Variants in TRERF1 observed in about 807,000 individuals in gnomAD.
TRERF1 encodes the protein transcriptional-regulating factor 1.
Under a neutral mutation model 122.9 loss-of-function variants are expected in TRERF1, and 27 were observed. The ratio of observed to expected loss-of-function variants is 0.22; its 90% CI spans 0.16 to 0.30. The LOEUF (loss-of-function observed/expected upper bound fraction) is 0.30, where lower values mean the gene tolerates loss of function less well. Ranked by LOEUF, TRERF1 falls within the 10% of genes least tolerant of loss-of-function variation. The pLI, the probability that TRERF1 is intolerant of heterozygous loss-of-function variation, is 1.00. For synonymous variants in TRERF1, 636 were observed against 641.7 expected (o/e 0.99, Z 0.13); for missense variants, 1,248 against 1,560.3 (o/e 0.80, Z 3.37).
At chr6:42,288,953 CTGTGTGTG>C (rs3074800) in intron 4 of TRERF1, among the ~76,000 whole-genome samples, 2,275 of 144,314 alleles carry the variant, frequency 0.016, 22 homozygotes, top group Admixed American at 0.025. Context: ...ATCTTGAACT[CTGTGTGTG>C]TGTGTGTGTG....
intron 4 of TRERF1, among the ~76,000 whole-genome samples, chr6:42,285,278 CTGTT>C (rs1333685577): frequency 6.6e-6 from 1 of 152,022 alleles, no homozygotes; most frequent in Admixed American, 6.6e-5. Context: ...ATTTGGCTCT[CTGTT>C]TGTCTGTTGT....
chr6:42,438,382 G>T (rs1242876464), intron 2 of TRERF1, among the ~76,000 whole-genome samples: 1 of 151,506 alleles, frequency 6.6e-6, no homozygotes, highest in Non-Finnish European at 1.5e-5. Context: ...GGCCAAGGCA[G>T]GTGGACCACC....
rs371939867 is a variant in TRERF1 at position 42,275,341 on chromosome 6, C to T, written c.-258-5493G>A. Among the ~76,000 whole-genome samples, 10 of 152,314 alleles carry T rather than the reference C, an allele frequency of 6.6e-5. No homozygotes were observed. Among genetic ancestry groups the T allele is most frequent in the Non-Finnish European group, 8.8e-5 (6 of 68,024 alleles). On this transcript the variant is annotated intron_variant, in intron 4 of 17. Coordinates refer to ENST00000372922, the Ensembl canonical transcript of TRERF1. This position sits in a 1 kb window ranked among gnomAD's most constrained non-coding sequence, Gnocchi z 4.1. ...CAGAACTGCTACCTTCCCATTTCTT[C>T]GGTCAATTTCTTCCTTAGAGCAGGA...
chr6:42,283,526 A>G (rs1782651594), intron 4 of TRERF1, among the ~76,000 whole-genome samples: 1 of 152,062 alleles, frequency 6.6e-6, no homozygotes, highest in Non-Finnish European at 1.5e-5. Flanking sequence ...TTCATTTTAT[A>G]ACTTTTTATA....
rs1024871933 is a variant in TRERF1 at position 42,232,566 on chromosome 6, T to C, written c.3278+115A>G. 7 of 1,337,244 alleles carry C rather than the reference T, an allele frequency of 5.2e-6. No individual in the cohort carries two copies. In the East Asian group the frequency reaches 1.0e-4, roughly 19 times the overall value. The allele number at this position is 1,337,244 out of a possible 1,614,324, so 82.8% of individuals were successfully genotyped here. ...CCCAAAGATGACACGAAGAAGAGTT[T>C]TGAGGTCTAAGTTCTTTTTTCTGAT... On this transcript the variant is annotated intron_variant, in intron 17 of 17. Transcript: ENST00000372922. The surrounding 1 kb of genome is among the most constrained non-coding windows in gnomAD (Gnocchi z 4.5).
chr6:42,412,016 T>TG (rs1781170743), intron 2 of TRERF1, among the ~76,000 whole-genome samples: 1 of 151,336 alleles, frequency 6.6e-6, no homozygotes. Context: ...TTTTTTTTTT[T>TG]TGAGACGGAG....
chr6:42,438,585 G>A (rs1785897512), intron 2 of TRERF1, among the ~76,000 whole-genome samples: 1 of 151,252 alleles, frequency 6.6e-6, no homozygotes, highest in Non-Finnish European at 1.5e-5. Flanking sequence ...ACTCCAGCCT[G>A]GGCAACAGAG....
intron 2 of TRERF1, among the ~76,000 whole-genome samples, chr6:42,389,345 C>A (rs968946262): frequency 2.6e-5 from 4 of 152,228 alleles, no homozygotes; most frequent in African/African-American, 9.6e-5. Context: ...TATTGCCAGG[C>A]TACAGACCAC....
At chr6:42,256,285 T>G (rs1399651770) in intron 12 of TRERF1, among the ~76,000 whole-genome samples, 2 of 152,142 alleles carry the variant, frequency 1.3e-5, no homozygotes, top group Non-Finnish European at 2.9e-5. Context: ...GTAAACACTT[T>G]ATTTTGGTTA....
intron 2 of TRERF1, among the ~76,000 whole-genome samples, chr6:42,366,702 C>T (rs1489816264): frequency 6.6e-6 from 1 of 152,138 alleles, no homozygotes; most frequent in East Asian, 1.9e-4. Context: ...ACTGGGCAAC[C>T]AGAAGCAGGA....
exon 18 of TRERF1, chr6:42,227,194 T>C (rs1038898681): frequency 4.6e-5 from 7 of 152,244 alleles, no homozygotes; most frequent in East Asian, 1.9e-4. Context: ...GCAAACATTA[T>C]AGCTAAGGTG....
intron 2 of TRERF1, among the ~76,000 whole-genome samples, chr6:42,380,667 C>T (rs993291910): frequency 4.6e-5 from 7 of 152,232 alleles, no homozygotes; most frequent in African/African-American, 1.7e-4. Context: ...CCGCCTGCCC[C>T]ACCTTATAGC....
At chr6:42,238,808 T>C (rs995889613) in intron 15 of TRERF1, among the ~76,000 whole-genome samples, 3 of 149,328 alleles carry the variant, frequency 2.0e-5, no homozygotes, top group South Asian at 2.2e-4. Flanking sequence ...GATGACAACA[T>C]TGAATGCCTG....
Position 42,404,316 on chromosome 6 carries a change from G to A in TRERF1, c.-453-41237C>T, listed in dbSNP as rs1054461985. The stretch of plus-strand genomic sequence containing the variant: ...ATCCAGTAACATGCTAAAAGCTGGG[G>A]GTCACCGTAGACTCCCCTGCACACC... On this transcript the variant is annotated intron_variant, in intron 2 of 17. Coordinates refer to ENST00000372922, the Ensembl canonical transcript of TRERF1. 3.9e-5 allele frequency among the ~76,000 whole-genome samples: 6 copies of A among 151,948 alleles called. 1 individual carries two copies. The highest frequency in any genetic ancestry group is 6.6e-5 in the Admixed American group (1 of 15,254).
At chr6:42,335,694 C>G (rs1034847979) in intron 3 of TRERF1, among the ~76,000 whole-genome samples, 1 of 152,200 alleles carries the variant, frequency 6.6e-6, no homozygotes, top group Non-Finnish European at 1.5e-5. Context: ...CTGCCCTCCT[C>G]TTCAACTGTC....
rs1491517636 is a variant in TRERF1 at position 42,360,770 on chromosome 6, T to TAAAAAAAAA, written c.-371+2226_-371+2227insTTTTTTTTT. 5.3e-4 allele frequency among the ~76,000 whole-genome samples: 34 copies of TAAAAAAAAA among 64,098 alleles called. 7 individuals are homozygous for TAAAAAAAAA. Among genetic ancestry groups the TAAAAAAAAA allele is most frequent in the African/African-American group, 1.5e-3 (33 of 21,632 alleles). 42.1% of individuals were successfully genotyped at this position (64,098 alleles called of 152,430 possible). On this transcript the variant is annotated intron_variant, in intron 3 of 17. Coordinates refer to ENST00000372922, the Ensembl canonical transcript of TRERF1. ...ACCCAGGGAGGAAGGAGTGGAGAGA[T>TAAAAAAAAA]TAAAAAAAAAAAAAAAAAAAAAAAA...
intron 2 of TRERF1, among the ~76,000 whole-genome samples, chr6:42,368,354 G>T (rs942437707): frequency 6.6e-6 from 1 of 152,122 alleles, no homozygotes; most frequent in South Asian, 2.1e-4. Context: ...TTGGCTCCTC[G>T]GCGCCCCCAC....
At chr6:42,400,938 C>T (rs1366942409) in intron 2 of TRERF1, among the ~76,000 whole-genome samples, 1 of 152,202 alleles carries the variant, frequency 6.6e-6, no homozygotes, top group African/African-American at 2.4e-5. Flanking sequence ...CGAGTCCCAA[C>T]TGGGGCCTTG....
chr6:42,363,484 A>T (rs963222538), intron 2 of TRERF1, among the ~76,000 whole-genome samples: 16 of 150,962 alleles, frequency 1.1e-4, no homozygotes, highest in African/African-American at 3.7e-4. Flanking sequence ...TATTGTGATA[A>T]CCCCCTAATT....
Sources: gnomAD v4.1 joint callset for allele counts (sites outside exome capture counted in the v4.1 genomes callset) on GRCh38, gnomAD v4.1.1 for gene constraint, Gnocchi (gnomAD v3.1) non-coding constraint, MANE v1.5 for transcripts, NCBI Gene and HGNC (gene_info 2026-07-23, HGNC 2026-07-21) for gene names.